The following NTAQ1 variants were observed in gnomAD, a reference collection of about 807,000 sequenced individuals.
NTAQ1 encodes protein N-terminal glutamine amidohydrolase.
Under a neutral mutation model 28.2 loss-of-function variants are expected in NTAQ1, and 21 were observed. That is an observed-to-expected ratio of 0.74 (90% CI 0.53 to 1.07). The LOEUF is 1.07. Ranked by LOEUF, NTAQ1 falls within the 50% of genes least tolerant of loss-of-function variation. The probability of loss-of-function intolerance (pLI) is 0.00; values close to 1 mark genes in which losing one functional copy is unlikely to be tolerated. For missense variants in NTAQ1, 264 were observed against 256.6 expected (o/e 1.03, Z -0.20); for synonymous variants, 105 against 90.0 (o/e 1.17, Z -0.94).
chr8:123,420,792 T>G (rs1300906882), intron 1 of NTAQ1, among the ~76,000 whole-genome samples: 1 of 151,784 alleles, frequency 6.6e-6, no homozygotes, highest in Non-Finnish European at 1.5e-5. Flanking sequence ...TATTTTTATT[T>G]ATTTATTTAT....
At chr8:123,440,355 C>G (rs1814981924) in intron 5 of NTAQ1, among the ~76,000 whole-genome samples, 1 of 151,558 alleles carries the variant, frequency 6.6e-6, no homozygotes, top group Non-Finnish European at 1.5e-5. Flanking sequence ...GGGGTTTCAC[C>G]ACGTTGGCCA....
chr8:123,449,831 C>T (rs199872116), downstream of NTAQ1, among the ~76,000 whole-genome samples: 2 of 144,746 alleles, frequency 1.4e-5, no homozygotes, highest in East Asian at 2.0e-4. Flanking sequence ...CCAGCCTGGG[C>T]GACAGAGTGA....
At chr8:123,459,398 T>C (rs1288565635) in intron 6 of NTAQ1, among the ~76,000 whole-genome samples, 2 of 152,242 alleles carry the variant, frequency 1.3e-5, no homozygotes, top group East Asian at 1.9e-4. Flanking sequence ...CTGAACCCCA[T>C]AGTTCAGTAC....
chr8:123,418,447 CAAA>C (rs11447317), intron 1 of NTAQ1, among the ~76,000 whole-genome samples: 3 of 126,712 alleles, frequency 2.4e-5, no homozygotes, highest in Admixed American at 8.7e-5. Context: ...GACTCCATCT[CAAA>C]AAAAAAAAAA....
At chr8:123,445,099 A>G (rs535739062), downstream of NTAQ1, among the ~76,000 whole-genome samples, 40 of 152,298 alleles carry the variant, frequency 2.6e-4, no homozygotes, top group African/African-American at 9.4e-4. Context: ...TACCAATTCA[A>G]AATGTATAAA....
At chr8:123,443,520 A>G (rs1472137710), downstream of NTAQ1, among the ~76,000 whole-genome samples, 2 of 152,194 alleles carry the variant, frequency 1.3e-5, no homozygotes, top group Non-Finnish European at 2.9e-5. Flanking sequence ...TCATGGGCTC[A>G]GCCCTACTTT....
chr8:123,456,915 G>T (rs888421654), intron 6 of NTAQ1, among the ~76,000 whole-genome samples: 9 of 152,124 alleles, frequency 5.9e-5, no homozygotes, highest in African/African-American at 1.9e-4. Context: ...CATATAAAAT[G>T]GTGGATACAC....
At chr8:123,432,288 A>G (rs374354006) in intron 3 of NTAQ1, among the ~76,000 whole-genome samples, 3 of 152,354 alleles carry the variant, frequency 2.0e-5, no homozygotes, top group African/African-American at 7.2e-5. Flanking sequence ...TGCTAAATGG[A>G]TAAAAGTCTA....
chr8:123,424,533 C>T (rs898569766), intron 1 of NTAQ1, among the ~76,000 whole-genome samples: 6 of 151,442 alleles, frequency 4.0e-5, no homozygotes, highest in Middle Eastern at 6.8e-3. Context: ...TGAGCTGCTG[C>T]GCCTGGCCAT....
chr8:123,448,498 A>T (rs1815368253), downstream of NTAQ1, among the ~76,000 whole-genome samples: 1 of 152,178 alleles, frequency 6.6e-6, no homozygotes, highest in East Asian at 1.9e-4. Context: ...CTGTAATCCC[A>T]GTTACTCGGG....
intron 6 of NTAQ1, among the ~76,000 whole-genome samples, chr8:123,454,488 C>T (rs1281188348): frequency 6.6e-6 from 1 of 152,160 alleles, no homozygotes; most frequent in Admixed American, 6.5e-5. Flanking sequence ...CTGCCCCAGC[C>T]TCCCGAGTAG....
chr8:123,432,466 C>A (rs973682434), intron 3 of NTAQ1, among the ~76,000 whole-genome samples: 6 of 151,852 alleles, frequency 4.0e-5, no homozygotes, highest in African/African-American at 1.5e-4. Context: ...ATGGTGAAAC[C>A]CTGTCTCTAT....
downstream of NTAQ1, among the ~76,000 whole-genome samples, chr8:123,472,448 A>G (rs902126273): frequency 1.3e-5 from 2 of 152,208 alleles, no homozygotes; most frequent in Admixed American, 1.3e-4. Context: ...AAGGTGTCAC[A>G]GGGTCCATGC....
downstream of NTAQ1, among the ~76,000 whole-genome samples, chr8:123,471,722 G>T (rs879595402): frequency 6.6e-6 from 1 of 152,306 alleles, no homozygotes. Flanking sequence ...AAGGGAGAAT[G>T]AGCTTTTTAT....
intron 1 of NTAQ1, among the ~76,000 whole-genome samples, chr8:123,426,786 A>G (rs34646662): frequency 0.36 from 54,976 of 151,522 alleles, 10,074 homozygotes; most frequent in East Asian, 0.56. Flanking sequence ...ATGGTGAAAC[A>G]CCATCTCTAC....
At chr8:123,439,157 C>G (rs1187381330) in intron 5 of NTAQ1, among the ~76,000 whole-genome samples, 1 of 151,338 alleles carries the variant, frequency 6.6e-6, no homozygotes, top group Non-Finnish European at 1.5e-5. Flanking sequence ...TATGGGCTGC[C>G]GAGGTGAGCA....
intron 1 of NTAQ1, among the ~76,000 whole-genome samples, chr8:123,425,959 G>A (rs933427216): frequency 6.6e-6 from 1 of 152,192 alleles, no homozygotes; most frequent in East Asian, 1.9e-4. Flanking sequence ...AGGAGGTGGA[G>A]GTTGTAGTGA....
intron 5 of NTAQ1, among the ~76,000 whole-genome samples, chr8:123,439,431 C>T (rs1814914747): frequency 6.6e-6 from 1 of 151,692 alleles, no homozygotes; most frequent in Admixed American, 6.6e-5. Context: ...CAAGCTCCGC[C>T]TCCCGGGTTC....
intron 6 of NTAQ1, among the ~76,000 whole-genome samples, chr8:123,457,644 G>C (rs767985725): frequency 6.6e-6 from 1 of 152,208 alleles, no homozygotes; most frequent in Non-Finnish European, 1.5e-5. Context: ...TCTGAGAAGA[G>C]AACTGGGTGG....
Sources: gnomAD v4.1 joint callset for allele counts (sites outside exome capture counted in the v4.1 genomes callset) on GRCh38, gnomAD v4.1.1 for gene constraint, MANE v1.5 for transcripts, NCBI Gene and HGNC (gene_info 2026-07-23, HGNC 2026-07-21) for gene names.